NRDE2: variants seen among roughly 807,000 people sequenced by gnomAD.
The protein encoded by NRDE2 is NRDE-2, necessary for RNA interference, domain containing.
Under a neutral mutation model 124.2 loss-of-function variants are expected in NRDE2, and 76 were observed. The observed-to-expected ratio is 0.61, with a 90% CI of 0.51 to 0.74. The LOEUF is 0.74. Among genes scored for constraint, NRDE2 ranks in the 30% least tolerant of loss-of-function variants. The pLI is 0.00. For synonymous variants in NRDE2, 489 were observed against 528.1 expected, an observed-to-expected ratio of 0.93 and a Z score of 1.01; for missense variants, 1,314 against 1,417.3, an observed-to-expected ratio of 0.93 and a Z score of 1.17.
Position 90,290,503 on chromosome 14 carries a change from G to C in NRDE2, c.1947C>G (p.Gly649=). The change falls in exon 10 of 14, where the codon GGC becomes GGG. Residue 649 remains glycine (G), a synonymous_variant. Transcript: ENST00000354366. The part of the protein sequence containing the change: ...AFLQFLGVPS[G]FTPPASCLYL... The stretch of plus-strand genomic sequence containing the variant: ...AAAGACAGGAGGCTGGAGGAGTAAA[G>C]CCAGAAGGCACACCCAAGAACTGCA... 6.2e-7 allele frequency: 1 copy of C among 1,614,026 alleles called. No homozygotes were observed. Among genetic ancestry groups the C allele is most frequent in the African/African-American group, 1.3e-5 (1 of 75,022 alleles).
At chr14:90,293,803 G>C (rs1892338489) in intron 8 of NRDE2, among the ~76,000 whole-genome samples, 1 of 152,134 alleles carries the variant, frequency 6.6e-6, no homozygotes, top group Non-Finnish European at 1.5e-5. Context: ...CATGTAGAAG[G>C]GAAGAGGAAG....
chr14:90,288,905 T>A lies in NRDE2; in HGVS notation c.2470A>T (p.Ser824Cys). Residue 824 changes from serine (S) to cysteine (C), a missense_variant, in exon 11 of 14, where the codon AGT (serine) becomes TGT (cysteine). By Grantham distance (112) the Ser-to-Cys change is moderately radical (BLOSUM62 -1). Transcript: ENST00000354366. ...ACCTCCAGCTCAGCATAGAGCAGACTGAGCTCACAGAGGTCAGAGTCTTTC... is the reference window on the plus strand; with the variant it reads ...ACCTCCAGCTCAGCATAGAGCAGACAGAGCTCACAGAGGTCAGAGTCTTTC... ...ELKDSDLCEL[S>C]LLYAELEVEL... 1.2e-6 allele frequency: 2 copies of A among 1,614,004 alleles called. No homozygotes were observed. The highest frequency in any genetic ancestry group is 3.3e-5 in the Admixed American group (2 of 60,022).
chr14:90,319,975 CT>C (rs1885185586), intron 1 of NRDE2, among the ~76,000 whole-genome samples: 1 of 152,144 alleles, frequency 6.6e-6, no homozygotes, highest in African/African-American at 2.4e-5. Flanking sequence ...TCTCCATATC[CT>C]TTTTTGTCAT....
chr14:90,305,466 T>C (rs891014593), intron 4 of NRDE2, among the ~76,000 whole-genome samples: 3 of 152,236 alleles, frequency 2.0e-5, no homozygotes, highest in Admixed American at 6.5e-5. Flanking sequence ...CACAAAGACA[T>C]GAGCACAAAT....
At chr14:90,305,241 A>C (rs1209594695) in intron 4 of NRDE2, among the ~76,000 whole-genome samples, 1 of 152,194 alleles carries the variant, frequency 6.6e-6, no homozygotes, top group Admixed American at 6.5e-5. Context: ...CAACTAGAAC[A>C]GTGTTAATAT....
At position 90,269,676 on chromosome 14, in the gene NRDE2, C is replaced by CA. The variant is rs1306811845; in HGVS notation, c.*8659dup. ...CTGCAGTGAAACTTAGGATAATTTA[C>CA]AAAAAAATAGGTCCTCTTGAGATGA... On this transcript the variant is annotated 3_prime_UTR_variant, in exon 14 of 14. Coordinates refer to ENST00000354366, the MANE Select transcript of NRDE2 (RefSeq NM_017970.4). 2.1e-4 allele frequency: 219 copies of CA among 1,063,048 alleles called. No homozygotes were observed. The highest frequency in any genetic ancestry group is 1.8e-3 in the Middle Eastern group (8 of 4,474). The allele number at this position is 1,063,048 out of a possible 1,614,324, so 65.9% of individuals were successfully genotyped here.
At chr14:90,285,265 T>G (rs1892067791) in intron 12 of NRDE2, among the ~76,000 whole-genome samples, 1 of 141,288 alleles carries the variant, frequency 7.1e-6, no homozygotes, top group South Asian at 2.3e-4. Flanking sequence ...AATGAGACCT[T>G]GTCTTAAAAA....
intron 1 of NRDE2, among the ~76,000 whole-genome samples, chr14:90,323,810 G>A (rs975403554): frequency 1.3e-5 from 2 of 152,150 alleles, no homozygotes; most frequent in Non-Finnish European, 2.9e-5. Context: ...TCTGTACGTA[G>A]AAGAACTTGT....
chr14:90,289,405 A>G (rs146910122), intron 10 of NRDE2, among the ~76,000 whole-genome samples: 193 of 152,320 alleles, frequency 1.3e-3, no homozygotes, highest in South Asian at 2.7e-3. Context: ...TTCTTCTCCA[A>G]AGAGATGTGG....
chr14:90,283,920 C>T (rs948988932), intron 12 of NRDE2, among the ~76,000 whole-genome samples: 29 of 152,038 alleles, frequency 1.9e-4, no homozygotes, highest in African/African-American at 6.8e-4. Context: ...ACCGTGTTAG[C>T]CAAGATGGTC....
At chr14:90,331,706 G>C in intron 1 of NRDE2, 135 bp downstream of exon 1, 1 of 992,032 alleles carries the variant, frequency 1.0e-6, no homozygotes, top group Non-Finnish European at 1.5e-6. Context: ...GCCTTTCCCA[G>C]AAGGCTTTGC....
At chr14:90,325,788 A>G (rs1885406339) in intron 1 of NRDE2, among the ~76,000 whole-genome samples, 1 of 152,094 alleles carries the variant, frequency 6.6e-6, no homozygotes, top group African/African-American at 2.4e-5. Flanking sequence ...TGGCCTCCCA[A>G]AGTGCTGAGA....
chr14:90,280,837 T>C (rs1891934126), intron 12 of NRDE2: 1 of 152,296 alleles, frequency 6.6e-6, no homozygotes, highest in South Asian at 2.1e-4. Flanking sequence ...GGGGCAACTC[T>C]TCTTTGCTGG....
chr14:90,288,580 G>C lies in NRDE2; in HGVS notation c.2795C>G (p.Ala932Gly), dbSNP rs1595058387. The C allele has an allele frequency of 6.2e-7, 1 of 1,614,128 alleles. No homozygotes were observed. Among genetic ancestry groups the C allele is most frequent in the East Asian group, 2.2e-5 (1 of 44,882 alleles). Reference protein sequence around the residue: ...AAVQIYEQVFAKLNSSVFPEG... With the variant: ...AAVQIYEQVFGKLNSSVFPEG... ...TGGGAAAACAGAACTGTTCAGTTTTGCAAACACCTGTTCGTATATCTGCAC... is the reference window on the plus strand; with the variant it reads ...TGGGAAAACAGAACTGTTCAGTTTTCCAAACACCTGTTCGTATATCTGCAC... The change falls in exon 11 of 14, where the codon GCA becomes GGA. Residue 932 changes from alanine to glycine, a missense_variant. Physicochemically the swap from Ala to Gly is moderately conservative, Grantham distance 60 (BLOSUM62 0). Transcript: ENST00000354366.
Position 90,269,487 on chromosome 14 carries a change from T to C in NRDE2, c.*8849A>G. On this transcript the variant is annotated 3_prime_UTR_variant, in exon 14 of 14. Transcript: ENST00000354366. ...TGGATGGATTTGATTCTAGGGGAGA[T>C]GTGAAAGTTATCATGGCCACAAACC... is the stretch of plus-strand genomic sequence containing the variant. 8 of 1,613,850 alleles carry C rather than the reference T, an allele frequency of 5.0e-6. No homozygotes were observed. The highest frequency in any genetic ancestry group is 1.1e-5 in the South Asian group (1 of 91,064).
At chr14:90,296,665 T>C (rs959190934) in intron 8 of NRDE2, among the ~76,000 whole-genome samples, 2 of 151,670 alleles carry the variant, frequency 1.3e-5, no homozygotes, top group African/African-American at 2.4e-5. Flanking sequence ...AAGGAGTCAA[T>C]CTCCTGAGTC....
At chr14:90,327,209 T>C (rs1389132289) in intron 1 of NRDE2, among the ~76,000 whole-genome samples, 1 of 152,232 alleles carries the variant, frequency 6.6e-6, no homozygotes, top group African/African-American at 2.4e-5. Context: ...AAGTGATGAT[T>C]CCTGGACATC....
At position 90,270,155 on chromosome 14, in the gene NRDE2, G is replaced by T; in HGVS notation, c.*8181C>A. On this transcript the variant is annotated 3_prime_UTR_variant, in exon 14 of 14. Coordinates refer to ENST00000354366, the MANE Select transcript of NRDE2 (RefSeq NM_017970.4). ...GGCCTCTGAGCCATGGCCGAGCCTG[G>T]GTTTGGATGTTGGTGTGACTTCAAA... The T allele has an allele frequency of 1.2e-6, 2 of 1,602,212 alleles. No homozygotes were observed. Among genetic ancestry groups the T allele is most frequent in the Non-Finnish European group, 1.7e-6 (2 of 1,171,456 alleles).
chr14:90,279,107 GCTT>G lies in NRDE2; in HGVS notation c.3321_3323del (p.Arg1107del). 1 of 1,612,396 alleles carries G rather than the reference GCTT, an allele frequency of 6.2e-7. No individual in the cohort carries two copies. The highest frequency in any genetic ancestry group is 8.5e-7 in the Non-Finnish European group (1 of 1,178,352). ...GAAGTGCTTTGTAGAATACACCTTTGCTTCTTTCTTTATTTCCTAAGGAAACCT... is the reference window on the plus strand; with the variant it reads ...GAAGTGCTTTGTAGAATACACCTTTGCTTTCTTTATTTCCTAAGGAAACCT... On this transcript the variant is annotated inframe_deletion, in exon 13 of 14. Transcript: ENST00000354366.
Sources: allele counts gnomAD v4.1 joint callset (sites outside exome capture counted in the v4.1 genomes callset), GRCh38; gene constraint gnomAD v4.1.1; transcripts MANE v1.5; gene names NCBI Gene and HGNC (gene_info 2026-07-23, HGNC 2026-07-21).